NKPD1: variants seen among roughly 807,000 people sequenced by gnomAD.
NKPD1 encodes the protein NTPase KAP family P-loop domain-containing protein 1.
In NKPD1, 37 loss-of-function variants were observed where a neutral mutation model predicts 42.2. The observed-to-expected ratio is 0.88, with a 90% CI of 0.67 to 1.15. NKPD1 has a LOEUF of 1.15. Among genes scored for constraint, NKPD1 ranks in the 50% most tolerant of loss-of-function variants. The pLI is 0.00. For synonymous variants in NKPD1, 552 were observed against 536.5 expected (o/e 1.03, Z -0.40); for missense variants, 1,113 against 1,174.6 (o/e 0.95, Z 0.77).
rs1174031090 is a variant in NKPD1, at chr19:45,153,199, C to A, written c.1238G>T (p.Arg413Leu). ...LFVSQRKKIE[R>L]LVSREKFGSQ... ...GCCGAACTTTTCACGCGACACCAGC[C>A]GCTCGATCTTCTTGCGCTGGCTTAC... Residue 413 changes from arginine to leucine, a missense_variant, in exon 5 of 5, where the codon CGG becomes CTG. This residue lies in a region of NKPD1 where 867 missense variants were observed against 870.1 expected (regional missense o/e 1.00). Transcript: ENST00000686631. 6.3e-7 allele frequency: 1 copy of A among 1,590,204 alleles called. No homozygotes were observed. Among genetic ancestry groups the A allele is most frequent in the Admixed American group, 1.8e-5 (1 of 56,796 alleles).
rs776055253 is a variant in NKPD1 at position 45,152,985 on chromosome 19, G to A, written c.1452C>T (p.His484=). Residue 484 remains histidine, a synonymous_variant, in exon 5 of 5, where the codon CAC becomes CAT. Coordinates refer to ENST00000686631, the MANE Select transcript of NKPD1 (RefSeq NM_198478.4). The part of the protein sequence containing the change: ...NAINTLLSDS[H]APFIFILVVD... ...CGACCAGGATGAAGATGAAGGGCGC[G>A]TGGCTGTCGGACAGCAGCGTGTTGA... is the stretch of plus-strand genomic sequence containing the variant. 1.3e-6 allele frequency: 2 copies of A among 1,585,110 alleles called. No individual in the cohort carries two copies. The highest frequency in any genetic ancestry group is 1.7e-6 in the Non-Finnish European group (2 of 1,164,932).
chr19:45,153,849 C>T, intron 4 of NKPD1, 74 bp from the exon 5 acceptor site: 1 of 1,372,616 alleles, frequency 7.3e-7, no homozygotes, highest in East Asian at 2.8e-5. Flanking sequence ...ACGGGCAGGG[C>T]GGAGCGCTCC....
upstream of NKPD1, among the ~76,000 whole-genome samples, chr19:45,162,194 G>A (rs1003194234): frequency 5.9e-5 from 9 of 152,152 alleles, no homozygotes; most frequent in African/African-American, 1.7e-4. Flanking sequence ...GGAGCACAGT[G>A]GCCAGGAGGC....
chr19:45,162,637 G>A (rs1030128370), upstream of NKPD1, among the ~76,000 whole-genome samples: 15 of 152,080 alleles, frequency 9.9e-5, no homozygotes, highest in African/African-American at 3.4e-4. Context: ...GCCCCAGCCC[G>A]ACCTGGCCTA....
At position 45,151,980 on chromosome 19, in the gene NKPD1, A is replaced by G; in HGVS notation, c.2457T>C (p.Cys819=). 6.2e-7 allele frequency: 1 copy of G among 1,601,942 alleles called. No homozygotes were observed. Among genetic ancestry groups the G allele is most frequent in the Non-Finnish European group, 8.5e-7 (1 of 1,172,474 alleles). The change falls in exon 5 of 5, where the codon TGT becomes TGC. Residue 819 remains cysteine (C), a synonymous_variant. Transcript: ENST00000686631. Reference sequence around the variant, plus strand: ...TGGATTGCCCTGGACGGAAGAGCGCACAGGCCACCGGCCATAGCTTGCCCC... The same window carrying G: ...TGGATTGCCCTGGACGGAAGAGCGCGCAGGCCACCGGCCATAGCTTGCCCC... The part of the protein sequence containing the change: ...AHRGKLWPVA[C]ALFRPGQSSP...
In NKPD1 at chr19:45,152,910, C is replaced by A; in HGVS notation, c.1527G>T (p.Lys509Asn). The A allele has an allele frequency of 1.3e-6, 2 of 1,580,938 alleles. No homozygotes were observed. Among genetic ancestry groups the A allele is most frequent in the African/African-American group, 1.3e-5 (1 of 74,358 alleles). The change falls in exon 5 of 5, where the codon AAG becomes AAT. Residue 509 changes from lysine to asparagine, a missense_variant. Physicochemically the swap from Lys to Asn is moderately conservative, Grantham distance 94 (BLOSUM62 0). This residue lies in a region of NKPD1 where 867 missense variants were observed against 870.1 expected (regional missense o/e 1.00). Transcript: ENST00000686631. ...AGAGGTAGCCGTTATCGGCCGTGCC[C>A]TTCATGTTGCCCGCGCTCTCTAGGC... The part of the protein sequence containing the change: ...AACLESAGNM[K>N]GTADNGYLFL...
chr19:45,157,793 C>T (rs1000537655), intron 3 of NKPD1, among the ~76,000 whole-genome samples: 3 of 144,578 alleles, frequency 2.1e-5, no homozygotes, highest in Admixed American at 7.2e-5. Flanking sequence ...GGTGTCATCT[C>T]GGCTCATTGC....
chr19:45,157,885 T>C (rs763704792), intron 3 of NKPD1, among the ~76,000 whole-genome samples: 2 of 151,892 alleles, frequency 1.3e-5, no homozygotes, highest in Non-Finnish European at 2.9e-5. Flanking sequence ...CCACCACACC[T>C]GGCTAATGTT....
At chr19:45,160,994 G>A (rs1360000596), upstream of NKPD1, among the ~76,000 whole-genome samples, 4 of 152,042 alleles carry the variant, frequency 2.6e-5, no homozygotes, top group Admixed American at 1.3e-4. Context: ...GACTGTCAGC[G>A]CAGGCCCATC....
chr19:45,159,141 G>C (rs902979420), intron 2 of NKPD1, 41 bp from the exon 3 acceptor site: 52 of 1,246,364 alleles, frequency 4.2e-5, no homozygotes, highest in Admixed American at 1.6e-4. Context: ...CTGTGTCCCC[G>C]ACCCCCGGGG....
chr19:45,158,800 G>A lies in NKPD1; in HGVS notation c.392C>T (p.Thr131Ile). Reference protein sequence around the residue: ...ASAPQAPTLPTTAPAMARSGP... With the variant: ...ASAPQAPTLPITAPAMARSGP... ...ACTCCTGGCCATGGCTGGTGCCGTG[G>A]TGGGTAAGGTGGGCGCCTGAGGGGC... Residue 131 changes from threonine (T) to isoleucine (I), a missense_variant, in exon 3 of 5, where the codon ACC (threonine) becomes ATC (isoleucine). Thr to Ile is a moderately conservative substitution (Grantham distance 89). Transcript: ENST00000686631. This position sits in a 1 kb window ranked among gnomAD's most constrained non-coding sequence, Gnocchi z 4.6. 1 of 1,261,080 alleles carries A rather than the reference G, an allele frequency of 7.9e-7. No homozygotes were observed. The highest frequency in any genetic ancestry group is 1.0e-6 in the Non-Finnish European group (1 of 969,378). The allele number at this position is 1,261,080 out of a possible 1,614,324, so 78.1% of individuals were successfully genotyped here.
At chr19:45,156,558 C>T (rs892262128) in intron 3 of NKPD1, among the ~76,000 whole-genome samples, 1 of 152,230 alleles carries the variant, frequency 6.6e-6, no homozygotes, top group African/African-American at 2.4e-5. Context: ...GCAGCAGAGA[C>T]ACCAGGGAGC....
Position 45,152,859 on chromosome 19 carries a change from G to A in NKPD1, c.1578C>T (p.Pro526=). The A allele has an allele frequency of 1.3e-6, 2 of 1,591,506 alleles. No individual in the cohort carries two copies. Among genetic ancestry groups the A allele is most frequent in the Non-Finnish European group, 8.6e-7 (1 of 1,166,206 alleles). Residue 526 remains proline (P), a synonymous_variant, in exon 5 of 5, where the codon CCC becomes CCT. Coordinates refer to ENST00000686631, the MANE Select transcript of NKPD1 (RefSeq NM_198478.4). ...GGCGGCCCATAATGGGCACAGAGAA[G>A]GGCAGCGTGACAGTGCGGTTGAGGA... ...YLFLNRTVTL[P]FSVPIMGRRT... is the part of the protein sequence containing the mutation.
At chr19:45,161,227 G>C (rs1004002877), upstream of NKPD1, among the ~76,000 whole-genome samples, 1 of 152,198 alleles carries the variant, frequency 6.6e-6, no homozygotes, top group South Asian at 2.1e-4. Flanking sequence ...TGCTGGTGTG[G>C]GGGGGACAGG....
rs1334603491 is a variant in NKPD1 at position 45,153,711 on chromosome 19, C to G, written c.726G>C (p.Pro242=). The part of the protein sequence containing the change: ...SEELQHVQWR[P]RAVSGWGVPQ... The stretch of plus-strand genomic sequence containing the variant: ...GGACGCCCCAGCCGCTCACGGCACG[C>G]GGCCGCCACTGCACGTGCTGCAGCT... The change falls in exon 5 of 5, where the codon CCG becomes CCC. Residue 242 remains proline, a synonymous_variant. Transcript: ENST00000686631. 16 of 1,533,826 alleles carry G rather than the reference C, an allele frequency of 1.0e-5. No individual in the cohort carries two copies. Among genetic ancestry groups the G allele is most frequent in the Non-Finnish European group, 1.4e-5 (16 of 1,135,586 alleles).
At position 45,153,085 on chromosome 19, in the gene NKPD1, C is replaced by T. The variant is rs1383932968; in HGVS notation, c.1352G>A (p.Arg451Lys). 6.3e-7 allele frequency: 1 copy of T among 1,575,670 alleles called. No homozygotes were observed. Among genetic ancestry groups the T allele is most frequent in the South Asian group, 1.2e-5 (1 of 86,324 alleles). ...LCFLEIYQRR[R>K]LRVVLEVTGL... is the part of the protein sequence containing the mutation. ...GGTGACCTCCAGCACCACGCGCAGCCTGCGCCGCTGGTAGATCTCCAGGAA... is the reference window on the plus strand; with the variant it reads ...GGTGACCTCCAGCACCACGCGCAGCTTGCGCCGCTGGTAGATCTCCAGGAA... The change falls in exon 5 of 5, where the codon AGG becomes AAG. Residue 451 changes from arginine to lysine, a missense_variant. Around this residue, in one of 3 missense-constraint regions of NKPD1, gnomAD observed 867 missense variants for 870.1 expected, o/e 1.00. Transcript: ENST00000686631.
chr19:45,152,985 G>T lies in NKPD1; in HGVS notation c.1452C>A (p.His484Gln). 1 of 1,585,228 alleles carries T rather than the reference G, an allele frequency of 6.3e-7. No homozygotes were observed. Among genetic ancestry groups the T allele is most frequent in the Non-Finnish European group, 8.6e-7 (1 of 1,164,924 alleles). The change falls in exon 5 of 5, where the codon CAC becomes CAA. Residue 484 changes from histidine (H) to glutamine (Q), a missense_variant. By Grantham distance (24) the His-to-Gln change is conservative. Transcript: ENST00000686631. ...CGACCAGGATGAAGATGAAGGGCGC[G>T]TGGCTGTCGGACAGCAGCGTGTTGA... Reference protein sequence around the residue: ...NAINTLLSDSHAPFIFILVVD... With the variant: ...NAINTLLSDSQAPFIFILVVD...
chr19:45,159,148 G>A (rs934778153), intron 2 of NKPD1, 48 bp from the exon 3 acceptor site: 2 of 1,243,358 alleles, frequency 1.6e-6, no homozygotes, highest in African/African-American at 1.6e-5. Context: ...CCCGACCCCC[G>A]GGGGCACCGG....
upstream of NKPD1, among the ~76,000 whole-genome samples, chr19:45,161,990 C>CCT (rs58763596): frequency 0.99 from 150,383 of 152,186 alleles, 74,309 homozygotes; most frequent in East Asian, 1. Flanking sequence ...CCTGGGACCC[C>CCT]GTCTCCTCCC....
Sources: allele counts gnomAD v4.1 joint callset (sites outside exome capture counted in the v4.1 genomes callset), GRCh38; gene constraint gnomAD v4.1.1; regional missense constraint gnomAD v4.1.1; non-coding constraint Gnocchi (gnomAD v3.1); transcripts MANE v1.5; gene names NCBI Gene and HGNC (gene_info 2026-07-23, HGNC 2026-07-21).